Variants in ADCY3 observed in about 807,000 individuals in gnomAD.
The protein encoded by ADCY3 is adenylate cyclase 3, also known as adenylate cyclase type 3.
In ADCY3, 70 loss-of-function variants were observed where a neutral mutation model predicts 119.4. The observed-to-expected ratio is 0.59, with a 90% CI of 0.48 to 0.72. The LOEUF (loss-of-function observed/expected upper bound fraction) is 0.72, where lower values mean the gene tolerates loss of function less well. Among genes scored for constraint, ADCY3 ranks in the 30% least tolerant of loss-of-function variants. The pLI is 0.00. For missense variants in ADCY3, 1,238 were observed against 1,541.6 expected (o/e 0.80, Z 3.30); for synonymous variants, 672 against 621.4 (o/e 1.08, Z -1.21).
intron 2 of ADCY3, among the ~76,000 whole-genome samples, chr2:24,880,685 G>A (rs528477663): frequency 3.4e-4 from 52 of 152,280 alleles, no homozygotes; most frequent in Admixed American, 2.4e-3. Context: ...TCACTCCCCC[G>A]CAAAAGCATC....
chr2:24,838,960 TGAGACAGA>T, intron 7 of ADCY3: 1 of 1,059,856 alleles, frequency 9.4e-7, no homozygotes, highest in Non-Finnish European at 1.3e-6. Flanking sequence ...TTTTTTTTTT[TGAGACAGA>T]GTCTTGTTCT....
At chr2:24,844,897 C>T (rs1157452976) in intron 3 of ADCY3, among the ~76,000 whole-genome samples, 1 of 152,176 alleles carries the variant, frequency 6.6e-6, no homozygotes, top group Non-Finnish European at 1.5e-5. Flanking sequence ...GGGAGGGACC[C>T]AGAGGGAGGT....
intron 3 of ADCY3, among the ~76,000 whole-genome samples, chr2:24,859,679 C>T (rs112630077): frequency 0.071 from 10,785 of 152,266 alleles, 457 homozygotes; most frequent in East Asian, 0.095. Flanking sequence ...AGGGGCCTGA[C>T]GCTTGTGGTC....
chr2:24,828,114 C>T lies in ADCY3; in HGVS notation c.2220G>A (p.Gly740=). 1 of 1,614,130 alleles carries T rather than the reference C, an allele frequency of 6.2e-7. No individual in the cohort carries two copies. The highest frequency in any genetic ancestry group is 1.1e-5 in the South Asian group (1 of 91,068). Residue 740 remains glycine, a synonymous_variant, in exon 14 of 22, where the codon GGG becomes GGA. Coordinates refer to ENST00000679454, the MANE Select transcript of ADCY3 (RefSeq NM_004036.5). ...YYTGPSNATA[G]METEGSCLEN... ...CCAGGCAGCTGCCCTCCGTTTCCAT[C>T]CCTGCCGTTGCATTGCTGGGTCCCG...
At chr2:24,880,308 C>A (rs1676236606) in intron 2 of ADCY3, among the ~76,000 whole-genome samples, 1 of 152,212 alleles carries the variant, frequency 6.6e-6, no homozygotes, top group Non-Finnish European at 1.5e-5. Context: ...GGTGCCACTA[C>A]ACAGATCTGT....
chr2:24,896,829 C>A (rs1678347568), intron 2 of ADCY3, among the ~76,000 whole-genome samples: 1 of 152,170 alleles, frequency 6.6e-6, no homozygotes, highest in Non-Finnish European at 1.5e-5. Context: ...AAATTCTGAT[C>A]TCTGTTCCCT....
intron 2 of ADCY3, among the ~76,000 whole-genome samples, chr2:24,913,592 A>C (rs1195260317): frequency 1.3e-5 from 2 of 152,158 alleles, no homozygotes; most frequent in Non-Finnish European, 2.9e-5. Flanking sequence ...CTTATCTGTG[A>C]AATGGAGCCA....
At chr2:24,828,239 G>A in intron 13 of ADCY3, 78 bp from the exon 14 acceptor site, 6 of 1,522,134 alleles carry the variant, frequency 3.9e-6, no homozygotes, top group Non-Finnish European at 5.3e-6. Flanking sequence ...GTGCATGGTA[G>A]TGCACGCTCA....
At chr2:24,820,155 GAGCCTAGACTGA>G in intron 21 of ADCY3, 41 bp from the exon 22 acceptor site, 3 of 1,297,518 alleles carry the variant, frequency 2.3e-6, no homozygotes, top group Non-Finnish European at 3.1e-6. Flanking sequence ...GTTACGGGGG[GAGCCTAGACTGA>G]GGGCGGGTGG....
intron 3 of ADCY3, among the ~76,000 whole-genome samples, chr2:24,852,309 T>C (rs1572890841): frequency 1.3e-5 from 2 of 152,164 alleles, no homozygotes; most frequent in South Asian, 4.1e-4. Flanking sequence ...AGACGTCCTG[T>C]GGCTGCCATT....
intron 3 of ADCY3, among the ~76,000 whole-genome samples, chr2:24,866,974 C>T (rs1674387203): frequency 6.6e-6 from 1 of 152,062 alleles, no homozygotes; most frequent in Admixed American, 6.6e-5. Context: ...ATATTGAGTC[C>T]TAGAGGAAAG....
intron 13 of ADCY3, among the ~76,000 whole-genome samples, chr2:24,830,444 T>C (rs1232127321): frequency 6.6e-6 from 1 of 152,146 alleles, no homozygotes; most frequent in Non-Finnish European, 1.5e-5. Context: ...ATAAGGTACC[T>C]AGCACAGGCC....
chr2:24,821,231 C>T (rs74624011), intron 20 of ADCY3: 30,218 of 454,004 alleles, frequency 0.067, 1,181 homozygotes, highest in Non-Finnish European at 0.077. Context: ...GCACAGCAAC[C>T]CCTCTGGAAA....
At chr2:24,857,320 T>C (rs1294197295) in intron 3 of ADCY3, among the ~76,000 whole-genome samples, 1 of 152,224 alleles carries the variant, frequency 6.6e-6, no homozygotes, top group Non-Finnish European at 1.5e-5. Flanking sequence ...CCACGAATTA[T>C]TTGGCAAAGA....
chr2:24,826,714 A>G (rs775711662), intron 15 of ADCY3: 2 of 151,916 alleles, frequency 1.3e-5, no homozygotes, highest in Non-Finnish European at 2.9e-5. Flanking sequence ...ATCCTGGGAC[A>G]TGAGTATGTG....
At position 24,919,349 on chromosome 2, in the gene ADCY3, A is replaced by T. The variant is rs939289864; in HGVS notation, c.-197-165T>A. 28 of 240,258 alleles carry T rather than the reference A, an allele frequency of 1.2e-4. No individual in the cohort carries two copies. The highest frequency in any genetic ancestry group is 4.1e-4 in the Admixed American group (8 of 19,544). 14.9% of individuals were successfully genotyped at this position (240,258 alleles called of 1,614,324 possible). ...ACCACCGCCCACCGCAGGCACACTT[A>T]GTCCTGTCCACGCCAGACACTCAAT... On this transcript the variant is annotated intron_variant, in intron 1 of 21. Transcript: ENST00000679454. This position sits in a 1 kb window ranked among gnomAD's most constrained non-coding sequence, Gnocchi z 5.5.
chr2:24,823,239 G>A lies in ADCY3; in HGVS notation c.2853C>T (p.Phe951=). The A allele has an allele frequency of 1.9e-6, 3 of 1,613,194 alleles. No individual in the cohort carries two copies. In the East Asian group the frequency reaches 6.7e-5, roughly 36 times the overall value. The stretch of plus-strand genomic sequence containing the variant: ...CAAAATCTGAGATGATTTCATTGAG[G>A]AAACGCAGACACTCAATACCACCAT... The part of the protein sequence containing the change: ...INNGGIECLR[F]LNEIISDFDS... The change falls in exon 18 of 22, where the codon TTC becomes TTT. Residue 951 remains phenylalanine, a synonymous_variant. Transcript: ENST00000679454.
At chr2:24,856,464 G>A (rs1673013036) in intron 3 of ADCY3, among the ~76,000 whole-genome samples, 1 of 152,132 alleles carries the variant, frequency 6.6e-6, no homozygotes, top group Admixed American at 6.5e-5. Flanking sequence ...AGCCAATTTG[G>A]AAGCCAAAAA....
rs759344936 is a variant in ADCY3, at chr2:24,842,276, T to C, written c.934A>G (p.Met312Val). 9 of 1,613,980 alleles carry C rather than the reference T, an allele frequency of 5.6e-6. No homozygotes were observed. The highest frequency in any genetic ancestry group is 1.7e-5 in the Admixed American group (1 of 60,004). Residue 312 changes from methionine (M) to valine (V), a missense_variant, in exon 4 of 22, where the codon ATG (methionine) becomes GTG (valine). By Grantham distance (21) the Met-to-Val change is conservative. Coordinates refer to ENST00000679454, the MANE Select transcript of ADCY3 (RefSeq NM_004036.5). This position sits in a 1 kb window ranked among gnomAD's most constrained non-coding sequence, Gnocchi z 4.9. ...KDQQQFNTMYMYRHENVSILF... is the reference protein window; with the variant it reads ...KDQQQFNTMYVYRHENVSILF... ...TACCTGACGTTCTCGTGACGGTACA[T>C]GTACATGGTGTTGAACTGCTGCTGG...
Sources: gnomAD v4.1 joint callset for allele counts (sites outside exome capture counted in the v4.1 genomes callset) on GRCh38, gnomAD v4.1.1 for gene constraint, Gnocchi (gnomAD v3.1) non-coding constraint, MANE v1.5 for transcripts, NCBI Gene and HGNC (gene_info 2026-07-23, HGNC 2026-07-21) for gene names.